ABCB5: variants seen among roughly 807,000 people sequenced by gnomAD.
ABCB5 encodes ATP-binding cassette sub-family B member 5.
A neutral mutation model predicts 144.2 loss-of-function variants in ABCB5; 155 were observed. That is an observed-to-expected ratio of 1.08 (90% CI 0.94 to 1.23). ABCB5 has a LOEUF of 1.23. Among genes scored for constraint, ABCB5 ranks in the 50% most tolerant of loss-of-function variants. The pLI is 0.00. For synonymous variants in ABCB5, 610 were observed against 528.6 expected, an observed-to-expected ratio of 1.15 and a Z score of -2.11; for missense variants, 1,830 against 1,520.8, an observed-to-expected ratio of 1.20 and a Z score of -3.38.
intron 19 of ABCB5, among the ~76,000 whole-genome samples, chr7:20,701,482 A>C (rs977816288): frequency 2.0e-5 from 3 of 152,154 alleles, no homozygotes; most frequent in African/African-American, 7.2e-5. Context: ...TTCCAAGCAT[A>C]CTTTGAACTT....
At chr7:20,689,288 A>C (rs1025146318) in intron 16 of ABCB5, among the ~76,000 whole-genome samples, 1 of 152,196 alleles carries the variant, frequency 6.6e-6, no homozygotes, top group African/African-American at 2.4e-5. Flanking sequence ...GAAAGGGCAC[A>C]GCTGTGGTTC....
intron 1 of ABCB5, among the ~76,000 whole-genome samples, chr7:20,622,971 CAG>C (rs904362041): frequency 2.4e-4 from 36 of 152,116 alleles, no homozygotes; most frequent in African/African-American, 8.4e-4. Flanking sequence ...TCCTGACAAA[CAG>C]TGCATTTTCC....
intron 25 of ABCB5, among the ~76,000 whole-genome samples, chr7:20,743,771 C>T (rs1782633568): frequency 1.3e-5 from 2 of 152,118 alleles, no homozygotes; most frequent in African/African-American, 2.4e-5. Context: ...TCTCCTGCAA[C>T]GTACAGTCTT....
At chr7:20,659,987 T>A in intron 14 of ABCB5, 15 of 985,528 alleles carry the variant, frequency 1.5e-5, no homozygotes, top group African/African-American at 1.7e-5. Context: ...CCCGGCCAGT[T>A]ACATAAGATT....
rs979831112 is a variant in ABCB5 at position 20,728,921 on chromosome 7, C to A, written c.2867+466C>A. On this transcript the variant is annotated intron_variant, in intron 23 of 27. Coordinates refer to ENST00000404938, the MANE Select transcript of ABCB5 (RefSeq NM_001163941.2). Reference sequence around the variant, plus strand: ...TTAAGTTGGAATTTTTTTAAATATACACATATTTTTAAATTTTGTATTGAT... The same window carrying A: ...TTAAGTTGGAATTTTTTTAAATATAAACATATTTTTAAATTTTGTATTGAT... 2.7e-4 allele frequency among the ~76,000 whole-genome samples: 41 copies of A among 151,996 alleles called. 1 individual carries two copies. Among genetic ancestry groups the A allele is most frequent in the Admixed American group, 2.0e-4 (3 of 15,260 alleles).
At chr7:20,742,800 G>C (rs1782602319) in intron 24 of ABCB5, 77 bp from the exon 25 acceptor site, 1 of 1,411,146 alleles carries the variant, frequency 7.1e-7, no homozygotes. Flanking sequence ...TTTTCAAAAT[G>C]AACTTGGCCA....
chr7:20,671,707 C>T (rs1391942531), intron 14 of ABCB5, among the ~76,000 whole-genome samples: 1 of 152,302 alleles, frequency 6.6e-6, no homozygotes, highest in South Asian at 2.1e-4. Flanking sequence ...ACAATTTAAA[C>T]TAATTGGTAT....
rs142733002 is a variant in ABCB5 at position 20,647,994 on chromosome 7, A to G, written c.1122A>G (p.Thr374=). The change falls in exon 11 of 28, where the codon ACA becomes ACG. Residue 374 remains threonine, a synonymous_variant. Transcript: ENST00000404938. ...AACCCAGTATAGATAACTTTTCCAC[A>G]GCTGGATATAAACCTGAATCCATAG... is the stretch of plus-strand genomic sequence containing the variant. ...DKKPSIDNFS[T]AGYKPESIEG... 2.5e-6 allele frequency: 4 copies of G among 1,610,524 alleles called. No homozygotes were observed. The highest frequency in any genetic ancestry group is 1.3e-5 in the African/African-American group (1 of 74,842).
At chr7:20,742,722 T>C (rs919140078) in intron 24 of ABCB5, among the ~76,000 whole-genome samples, 155 bp from the exon 25 acceptor site, 1 of 152,164 alleles carries the variant, frequency 6.6e-6, no homozygotes, top group Non-Finnish European at 1.5e-5. Context: ...AGAAACCCAC[T>C]TGCAGTCAAC....
intron 20 of ABCB5, 123 bp from the exon 21 acceptor site, chr7:20,722,893 C>T (rs1781918150): frequency 1.4e-6 from 1 of 696,922 alleles, no homozygotes. Context: ...AAATTCAAGG[C>T]ATAAATTTAA....
chr7:20,743,109 T>G lies in ABCB5; in HGVS notation c.3222+35T>G, dbSNP rs1343865271. On this transcript the variant is annotated intron_variant, in intron 25 of 27. Coordinates refer to ENST00000404938, the MANE Select transcript of ABCB5 (RefSeq NM_001163941.2). Reference sequence around the variant, plus strand: ...AACTGAAACACACCTAATCTGGGGGTTAGCAGTCCTATTCTTAAACATTCA... The same window carrying G: ...AACTGAAACACACCTAATCTGGGGGGTAGCAGTCCTATTCTTAAACATTCA... 6 of 1,602,282 alleles carry G rather than the reference T, an allele frequency of 3.7e-6. No individual in the cohort carries two copies. The East Asian group carries it at 1.3e-4, about 36-fold the overall frequency.
At chr7:20,751,340 C>T (rs1174151101) in intron 26 of ABCB5, among the ~76,000 whole-genome samples, 3 of 152,092 alleles carry the variant, frequency 2.0e-5, no homozygotes, top group East Asian at 3.9e-4. Flanking sequence ...GGCGTGGTGG[C>T]GGGCGCCTGT....
Position 20,711,814 on chromosome 7 carries a change from T to C in ABCB5, c.2421+7007T>C, listed in dbSNP as rs1270166109. Among the ~76,000 whole-genome samples, 54 of 49,542 alleles carry C rather than the reference T, an allele frequency of 1.1e-3. 4 individuals are homozygous for C. Among genetic ancestry groups the C allele is most frequent in the Admixed American group, 2.0e-3 (8 of 3,920 alleles). 32.5% of individuals were successfully genotyped at this position (49,542 alleles called of 152,430 possible). A position where few individuals can be genotyped will look rare whatever the true frequency, so the allele number is the denominator to read the frequency against. On this transcript the variant is annotated intron_variant, in intron 20 of 27. Coordinates refer to ENST00000404938, the MANE Select transcript of ABCB5 (RefSeq NM_001163941.2). ...TTTCTTTCTTTCTTTCTTTCTTTCT[T>C]TCTTTCTTTCTTTCTTTCTTTCTTT...
intron 27 of ABCB5, 25 bp from the exon 28 acceptor site, chr7:20,755,402 G>C: frequency 6.2e-7 from 1 of 1,609,796 alleles, no homozygotes; most frequent in Non-Finnish European, 8.5e-7. Flanking sequence ...TCAAACTGGT[G>C]ATCACAGGTC....
intron 14 of ABCB5, among the ~76,000 whole-genome samples, chr7:20,661,363 A>G (rs1199078128): frequency 7.9e-5 from 12 of 152,254 alleles, no homozygotes; most frequent in African/African-American, 2.9e-4. Flanking sequence ...CTCCACTTGA[A>G]CGTAAACTCT....
At chr7:20,737,405 C>A (rs1376671548) in intron 23 of ABCB5, among the ~76,000 whole-genome samples, 1 of 152,120 alleles carries the variant, frequency 6.6e-6, no homozygotes, top group African/African-American at 2.4e-5. Context: ...CATTTACCTC[C>A]CACAAACACA....
At chr7:20,651,782 C>A in intron 13 of ABCB5, 159 bp downstream of exon 13, 1 of 685,438 alleles carries the variant, frequency 1.5e-6, no homozygotes, top group Non-Finnish European at 2.4e-6. Context: ...CACAAGATGG[C>A]TTTGAATGAG....
chr7:20,712,128 T>C (rs1195341563), intron 20 of ABCB5, among the ~76,000 whole-genome samples: 1 of 104,428 alleles, frequency 9.6e-6, no homozygotes, highest in Non-Finnish European at 1.8e-5. Flanking sequence ...GTAGTCCCAC[T>C]CCAGCCTGGG....
At chr7:20,621,536 G>C (rs1399042546) in intron 1 of ABCB5, among the ~76,000 whole-genome samples, 1 of 152,054 alleles carries the variant, frequency 6.6e-6, no homozygotes, top group Non-Finnish European at 1.5e-5. Flanking sequence ...GGTTCCTCAG[G>C]AAAAGGAAAC....
Sources: gnomAD v4.1 joint callset for allele counts (sites outside exome capture counted in the v4.1 genomes callset) on GRCh38, gnomAD v4.1.1 for gene constraint, MANE v1.5 for transcripts, NCBI Gene and HGNC (gene_info 2026-07-23, HGNC 2026-07-21) for gene names.